The following OXCT1 variants were observed in gnomAD, a reference collection of about 807,000 sequenced individuals.
OXCT1 encodes succinyl-CoA:3-ketoacid coenzyme A transferase 1, mitochondrial.
Under a neutral mutation model 69.6 loss-of-function variants are expected in OXCT1, and 27 were observed. The ratio of observed to expected loss-of-function variants is 0.39; its 90% confidence interval spans 0.29 to 0.54. OXCT1 has a LOEUF of 0.54. Ranked by LOEUF, OXCT1 falls within the 20% of genes least tolerant of loss-of-function variation. OXCT1 has a pLI of 0.72. For synonymous variants in OXCT1, 202 were observed against 217.8 expected (o/e 0.93, Z 0.64); for missense variants, 437 against 650.2 (o/e 0.67, Z 3.57).
At chr5:41,859,887 GTAATATATATA>G (rs1749649563) in intron 3 of OXCT1, among the ~76,000 whole-genome samples, 2 of 88,460 alleles carry the variant, frequency 2.3e-5, no homozygotes, top group African/African-American at 7.8e-5. Context: ...ATATATATAT[GTAATATATATA>G]TATATATATA....
chr5:41,849,655 G>C (rs1749087613), intron 5 of OXCT1, among the ~76,000 whole-genome samples: 1 of 152,156 alleles, frequency 6.6e-6, no homozygotes, highest in African/African-American at 2.4e-5. Context: ...AGTCACTTTA[G>C]GAAGGGCCTG....
At chr5:41,778,987 T>C (rs74986536) in intron 13 of OXCT1, among the ~76,000 whole-genome samples, 2,371 of 152,342 alleles carry the variant, frequency 0.016, 50 homozygotes, top group Middle Eastern at 0.048. Context: ...ATTTTCACCA[T>C]AGCATTGACT....
At chr5:41,838,497 C>T (rs564355677) in intron 7 of OXCT1, among the ~76,000 whole-genome samples, 14 of 152,222 alleles carry the variant, frequency 9.2e-5, no homozygotes, top group African/African-American at 2.4e-4. Flanking sequence ...CCTTCTAATC[C>T]AGCTTTGTCC....
At chr5:41,780,233 A>G (rs1745331209) in intron 13 of OXCT1, among the ~76,000 whole-genome samples, 1 of 152,196 alleles carries the variant, frequency 6.6e-6, no homozygotes, top group Non-Finnish European at 1.5e-5. Flanking sequence ...TTTGAGATGA[A>G]AAGGCACGAG....
At chr5:41,828,761 A>G (rs1747943820) in intron 7 of OXCT1, among the ~76,000 whole-genome samples, 1 of 152,216 alleles carries the variant, frequency 6.6e-6, no homozygotes, top group South Asian at 2.1e-4. Context: ...TGATCCTTTA[A>G]GAAATACTGA....
chr5:41,786,001 T>C (rs558811715), intron 13 of OXCT1, among the ~76,000 whole-genome samples: 13 of 152,184 alleles, frequency 8.5e-5, no homozygotes, highest in African/African-American at 2.6e-4. Context: ...CTGGAGGCAG[T>C]AGAAGAAATG....
At chr5:41,819,153 G>A (rs1474746962) in intron 7 of OXCT1, among the ~76,000 whole-genome samples, 3 of 151,998 alleles carry the variant, frequency 2.0e-5, no homozygotes, top group Admixed American at 6.6e-5. Context: ...GAAATAAATC[G>A]ATAAGTAGGT....
chr5:41,769,720 C>G (rs781221499), intron 13 of OXCT1, among the ~76,000 whole-genome samples: 1 of 151,698 alleles, frequency 6.6e-6, no homozygotes, highest in Non-Finnish European at 1.5e-5. Flanking sequence ...AACCGTGACT[C>G]AAGTAAAAAA....
intron 14 of OXCT1, among the ~76,000 whole-genome samples, chr5:41,751,385 A>G (rs1050798532): frequency 6.6e-6 from 1 of 152,170 alleles, no homozygotes; most frequent in Non-Finnish European, 1.5e-5. Flanking sequence ...GGAGGAATCA[A>G]GGATTTCAAC....
intron 13 of OXCT1, among the ~76,000 whole-genome samples, chr5:41,765,336 C>T (rs532840118): frequency 7.2e-5 from 11 of 152,132 alleles, no homozygotes; most frequent in Non-Finnish European, 1.3e-4. Context: ...GCAATCTGGA[C>T]GCTGACATCC....
chr5:41,761,907 G>A (rs1465818942), intron 14 of OXCT1, among the ~76,000 whole-genome samples: 2 of 152,130 alleles, frequency 1.3e-5, no homozygotes, highest in African/African-American at 2.4e-5. Flanking sequence ...ACATGCTGAT[G>A]TTTGGTTTCA....
At chr5:41,743,476 T>G (rs1307982615) in intron 15 of OXCT1, among the ~76,000 whole-genome samples, 1 of 152,246 alleles carries the variant, frequency 6.6e-6, no homozygotes, top group African/African-American at 2.4e-5. Flanking sequence ...AGAAACTCTT[T>G]AGTTTAATTA....
chr5:41,862,134 C>G (rs537226866), intron 2 of OXCT1, among the ~76,000 whole-genome samples: 2 of 152,216 alleles, frequency 1.3e-5, no homozygotes, highest in East Asian at 3.9e-4. Flanking sequence ...TGGCTTGAAC[C>G]CGAGAGGCAG....
intron 4 of OXCT1, 90 bp downstream of exon 4, chr5:41,853,329 C>G (rs1471562940): frequency 3.4e-6 from 4 of 1,191,746 alleles, no homozygotes; most frequent in South Asian, 1.3e-5. Context: ...TTCCTTCTGC[C>G]TTACCTCTTT....
At chr5:41,828,489 C>T (rs1747927797) in intron 7 of OXCT1, among the ~76,000 whole-genome samples, 2 of 152,052 alleles carry the variant, frequency 1.3e-5, no homozygotes, top group African/African-American at 2.4e-5. Context: ...AAGAAAAAGG[C>T]AAGTGCTTCT....
chr5:41,769,780 T>C (rs1020323016), intron 13 of OXCT1, among the ~76,000 whole-genome samples: 2 of 152,070 alleles, frequency 1.3e-5, no homozygotes, highest in African/African-American at 4.8e-5. Flanking sequence ...TTATTATTAC[T>C]ATTATTATTT....
At chr5:41,786,654 T>C (rs1287851925) in intron 13 of OXCT1, among the ~76,000 whole-genome samples, 2 of 152,202 alleles carry the variant, frequency 1.3e-5, no homozygotes, top group African/African-American at 2.4e-5. Context: ...GCAGCCTGAG[T>C]ATTCATTAAC....
chr5:41,834,205 T>A, intron 7 of OXCT1, among the ~76,000 whole-genome samples: 2 of 149,090 alleles, frequency 1.3e-5, no homozygotes, highest in African/African-American at 4.9e-5. Flanking sequence ...CAAAGAAAAA[T>A]CACCTTCACT....
At chr5:41,842,605 C>T (rs1053638286) in intron 6 of OXCT1, 70 bp downstream of exon 6, 6 of 1,095,232 alleles carry the variant, frequency 5.5e-6, no homozygotes, top group Non-Finnish European at 8.5e-6. Context: ...TTTTTAAATT[C>T]CAAATTCACT....
Sources: gnomAD v4.1 joint callset for allele counts (sites outside exome capture counted in the v4.1 genomes callset) on GRCh38, gnomAD v4.1.1 for gene constraint, MANE v1.5 for transcripts, NCBI Gene and HGNC (gene_info 2026-07-23, HGNC 2026-07-21) for gene names.